VKORC1L1: variants seen among roughly 807,000 people sequenced by gnomAD.
VKORC1L1 encodes vitamin K epoxide reductase complex subunit 1-like protein 1.
Under a neutral mutation model 18.9 loss-of-function variants are expected in VKORC1L1, and 2 were observed. The ratio of observed to expected loss-of-function variants is 0.11; its 90% CI spans 0.04 to 0.33. The LOEUF is 0.33. Ranked by LOEUF, VKORC1L1 falls within the 10% of genes least tolerant of loss-of-function variation. The pLI is 1.00. For synonymous variants in VKORC1L1, 96 were observed against 100.0 expected (o/e 0.96, Z 0.24); for missense variants, 123 against 224.1 (o/e 0.55, Z 2.88).
chr7:65,873,426 C>T lies in VKORC1L1; in HGVS notation c.55C>T (p.Arg19Trp). ...VSVPRWERVA[R>W]YAVCAAGILL... ...GGTGCCGCGGTGGGAGCGGGTGGCCCGGTATGCAGTGTGCGCTGCCGGAAT... is the reference window on the plus strand; with the variant it reads ...GGTGCCGCGGTGGGAGCGGGTGGCCTGGTATGCAGTGTGCGCTGCCGGAAT... Residue 19 changes from arginine to tryptophan, a missense_variant, in exon 1 of 3, where the codon CGG becomes TGG. Physicochemically the swap from Arg to Trp is moderately radical, Grantham distance 101. Around this residue, in one of 4 missense-constraint regions of VKORC1L1, gnomAD observed 60 missense variants for 76.9 expected, o/e 0.78. Transcript: ENST00000360768. 1 of 1,579,826 alleles carries T rather than the reference C, an allele frequency of 6.3e-7. No individual in the cohort carries two copies. The highest frequency in any genetic ancestry group is 8.6e-7 in the Non-Finnish European group (1 of 1,165,974).
upstream of VKORC1L1, among the ~76,000 whole-genome samples, chr7:65,873,021 G>T (rs912121632): frequency 2.7e-5 from 2 of 73,772 alleles, no homozygotes; most frequent in Non-Finnish European, 2.5e-5. Flanking sequence ...TTTCTCCCCC[G>T]GGCTCCACCC....
intron 1 of VKORC1L1, among the ~76,000 whole-genome samples, chr7:65,892,650 TTGTC>T (rs1441975795): frequency 6.6e-6 from 1 of 152,216 alleles, no homozygotes; most frequent in East Asian, 1.9e-4. Flanking sequence ...TCTGGAATTT[TTGTC>T]TGTGTGGTGT....
At position 65,898,077 on chromosome 7, in the gene VKORC1L1, GTTTTTT is replaced by G. The variant is rs71051319; in HGVS notation, c.194+24536_194+24541del. ...CAGTCATACAGTAAATTTGTAGCAG[GTTTTTT>G]TTTTTTTTTTTTTTTTTTTTTTTGA... On this transcript the variant is annotated intron_variant, in intron 1 of 2. Transcript: ENST00000360768. Among the ~76,000 whole-genome samples the G allele has an allele frequency of 9.6e-5, 8 of 83,000 alleles. No homozygotes were observed. In the South Asian group the frequency reaches 1.6e-3, roughly 17 times the overall value. 54.5% of individuals were successfully genotyped at this position (83,000 alleles called of 152,430 possible).
chr7:65,873,857 G>T (rs1186698411), intron 1 of VKORC1L1, among the ~76,000 whole-genome samples: 1 of 152,094 alleles, frequency 6.6e-6, no homozygotes, highest in African/African-American at 2.4e-5. Flanking sequence ...GCGGTCGGGC[G>T]GGCTGGGGCC....
intron 1 of VKORC1L1, among the ~76,000 whole-genome samples, chr7:65,912,243 T>C (rs1164253980): frequency 6.6e-6 from 1 of 152,242 alleles, no homozygotes; most frequent in Non-Finnish European, 1.5e-5. Flanking sequence ...TTCAGAACAT[T>C]TAAAGTAGGC....
At chr7:65,882,787 A>G (rs1788949493) in intron 1 of VKORC1L1, among the ~76,000 whole-genome samples, 1 of 152,226 alleles carries the variant, frequency 6.6e-6, no homozygotes, top group Non-Finnish European at 1.5e-5. Context: ...CAGGATTAGT[A>G]CATATTGTAA....
At chr7:65,916,820 A>T (rs987727654) in intron 1 of VKORC1L1, among the ~76,000 whole-genome samples, 1 of 151,910 alleles carries the variant, frequency 6.6e-6, no homozygotes, top group Non-Finnish European at 1.5e-5. Flanking sequence ...CTGGTCTCGA[A>T]CTCCTGACCT....
At chr7:65,933,848 A>G (rs1789897725) in intron 1 of VKORC1L1, among the ~76,000 whole-genome samples, 1 of 152,194 alleles carries the variant, frequency 6.6e-6, no homozygotes, top group South Asian at 2.1e-4. Flanking sequence ...TAGAGATTAC[A>G]GTATGCACAC....
intron 1 of VKORC1L1, among the ~76,000 whole-genome samples, chr7:65,873,865 G>T (rs912509661): frequency 6.6e-6 from 1 of 152,078 alleles, no homozygotes; most frequent in Non-Finnish European, 1.5e-5. Flanking sequence ...GCGGGCTGGG[G>T]CCCGGCTGTG....
rs1341953636 is a variant in VKORC1L1 at position 65,954,870 on chromosome 7, T to C, written c.*570T>C. ...TAGTTGGAGTGTAGCACTGAAGAAC[T>C]GTCAGCTCAGCGTTGACTGAGGAGA... On this transcript the variant is annotated 3_prime_UTR_variant, in exon 3 of 3. Coordinates refer to ENST00000360768, the MANE Select transcript of VKORC1L1 (RefSeq NM_173517.6). 6.5e-6 allele frequency: 1 copy of C among 154,606 alleles called. No homozygotes were observed. Among genetic ancestry groups the C allele is most frequent in the African/African-American group, 2.4e-5 (1 of 41,454 alleles). The allele number at this position is 154,606 out of a possible 1,614,324, so 9.6% of individuals were successfully genotyped here.
At chr7:65,885,146 A>G (rs1258974645) in intron 1 of VKORC1L1, among the ~76,000 whole-genome samples, 1 of 152,226 alleles carries the variant, frequency 6.6e-6, no homozygotes, top group Non-Finnish European at 1.5e-5. Context: ...TGGGTGTTAC[A>G]TGAGTCTACA....
intron 1 of VKORC1L1, among the ~76,000 whole-genome samples, chr7:65,931,799 G>C (rs1324189071): frequency 1.3e-5 from 2 of 151,840 alleles, no homozygotes; most frequent in Non-Finnish European, 2.9e-5. Flanking sequence ...CCACCACCAT[G>C]CCCGGCTACT....
chr7:65,919,853 C>T (rs563872233), intron 1 of VKORC1L1, among the ~76,000 whole-genome samples: 1 of 152,042 alleles, frequency 6.6e-6, no homozygotes, highest in Non-Finnish European at 1.5e-5. Flanking sequence ...GTCAGGAGAT[C>T]GAGACCATCC....
chr7:65,954,364 T>TA lies in VKORC1L1; in HGVS notation c.*64_*65insA, dbSNP rs2115758571. 6.6e-7 allele frequency: 1 copy of TA among 1,526,498 alleles called. No individual in the cohort carries two copies. The highest frequency in any genetic ancestry group is 2.2e-5 in the Admixed American group (1 of 45,936). 94.6% of individuals were successfully genotyped at this position (1,526,498 alleles called of 1,614,324 possible). ...TCCATTCAGTTTATTTTGCAGCAGG[T>TA]TTTTATTATTATTATTATTATTATT... On this transcript the variant is annotated 3_prime_UTR_variant, in exon 3 of 3. Coordinates refer to ENST00000360768, the MANE Select transcript of VKORC1L1 (RefSeq NM_173517.6).
chr7:65,873,033 T>TCG (rs1343096297), upstream of VKORC1L1, among the ~76,000 whole-genome samples: 2 of 69,118 alleles, frequency 2.9e-5, no homozygotes, highest in Non-Finnish European at 5.4e-5. Flanking sequence ...GCTCCACCCC[T>TCG]CGCGCGCGAC....
chr7:65,922,276 C>CT (rs1430884665), intron 1 of VKORC1L1, among the ~76,000 whole-genome samples: 341 of 143,004 alleles, frequency 2.4e-3, no homozygotes, highest in East Asian at 7.6e-3. Flanking sequence ...GATCATGTTC[C>CT]TTTTTTTTTT....
At chr7:65,927,259 C>T (rs772887691) in intron 1 of VKORC1L1, among the ~76,000 whole-genome samples, 19 of 151,908 alleles carry the variant, frequency 1.3e-4, no homozygotes, top group Admixed American at 7.9e-4. Flanking sequence ...TGCACTCCAG[C>T]CTGGGCAACA....
chr7:65,876,101 TTAG>T, intron 1 of VKORC1L1, among the ~76,000 whole-genome samples: 1 of 152,236 alleles, frequency 6.6e-6, no homozygotes, highest in African/African-American at 2.4e-5. Flanking sequence ...TTCACCGAAA[TTAG>T]TAGGCTACAA....
chr7:65,929,660 G>T (rs138219968), intron 1 of VKORC1L1, among the ~76,000 whole-genome samples: 2,548 of 114,586 alleles, frequency 0.022, 48 homozygotes, highest in East Asian at 0.11. Context: ...ATATGTATGT[G>T]TGTGTGTGTA....
Sources: allele counts gnomAD v4.1 joint callset (sites outside exome capture counted in the v4.1 genomes callset), GRCh38; gene constraint gnomAD v4.1.1; regional missense constraint gnomAD v4.1.1; transcripts MANE v1.5; gene names NCBI Gene and HGNC (gene_info 2026-07-23, HGNC 2026-07-21).